The following GREB1L variants were observed in gnomAD, a reference collection of about 807,000 sequenced individuals.
GREB1L encodes the protein GREB1-like protein.
A neutral mutation model predicts 200.8 loss-of-function variants in GREB1L; 17 were observed. That is an observed-to-expected ratio of 0.08 (90% CI 0.06 to 0.13). The LOEUF (loss-of-function observed/expected upper bound fraction) is 0.13, where lower values mean the gene tolerates loss of function less well. Among genes scored for constraint, GREB1L ranks in the 10% least tolerant of loss-of-function variants. GREB1L has a pLI of 1.00. For missense variants in GREB1L, 1,657 were observed against 2,367.7 expected (o/e 0.70, Z 6.23); for synonymous variants, 789 against 893.0 (o/e 0.88, Z 2.08).
At chr18:21,342,499 C>A (rs1396311111) in intron 1 of GREB1L, among the ~76,000 whole-genome samples, 1 of 152,146 alleles carries the variant, frequency 6.6e-6, no homozygotes, top group African/African-American at 2.4e-5. Flanking sequence ...AGCTAATCTG[C>A]TTTAGGGTTC....
chr18:21,324,758 C>T (rs760492037), intron 1 of GREB1L, among the ~76,000 whole-genome samples: 125 of 152,276 alleles, frequency 8.2e-4, no homozygotes, highest in African/African-American at 2.8e-3. Context: ...TGCAGTAAGC[C>T]GAGATCGTGC....
intron 17 of GREB1L, among the ~76,000 whole-genome samples, chr18:21,482,634 G>A (rs1422853122): frequency 1.5e-5 from 2 of 129,436 alleles, no homozygotes; most frequent in Non-Finnish European, 3.2e-5. Flanking sequence ...CCATTGTGTA[G>A]ATTACAGATT....
Position 21,337,832 on chromosome 18 carries a change from A to G in GREB1L, c.-119-28195A>G, listed in dbSNP as rs1256676205. ...AAACCCCGTCTCTACTAAAAAATAC[A>G]AACAATTAGCTGGGCGTGGTGGTGG... is the stretch of plus-strand genomic sequence containing the variant. On this transcript the variant is annotated intron_variant, in intron 1 of 32. Coordinates refer to ENST00000424526, the MANE Select transcript of GREB1L (RefSeq NM_001142966.3). Among the ~76,000 whole-genome samples the G allele has an allele frequency of 2.0e-5, 3 of 152,074 alleles. No homozygotes were observed. In the East Asian group the frequency reaches 5.8e-4, roughly 29 times the overall value.
chr18:21,315,719 A>G (rs915119489), intron 1 of GREB1L, among the ~76,000 whole-genome samples: 30 of 152,250 alleles, frequency 2.0e-4, no homozygotes, highest in Non-Finnish European at 3.7e-4. Context: ...ACAGACTGCT[A>G]AAGTACGTTT....
chr18:21,328,162 T>C (rs1208938787), intron 1 of GREB1L, among the ~76,000 whole-genome samples: 2 of 151,338 alleles, frequency 1.3e-5, no homozygotes, highest in East Asian at 3.9e-4. Flanking sequence ...TTTGAAGTCC[T>C]GATTCAGTGC....
chr18:21,253,346 G>T (rs890263948), intron 1 of GREB1L, among the ~76,000 whole-genome samples: 1 of 147,966 alleles, frequency 6.8e-6, no homozygotes, highest in African/African-American at 2.5e-5. Flanking sequence ...TCCACCTACC[G>T]GGTTCAAGTG....
chr18:21,424,288 C>G (rs2032389943), intron 7 of GREB1L, among the ~76,000 whole-genome samples: 1 of 152,160 alleles, frequency 6.6e-6, no homozygotes, highest in Non-Finnish European at 1.5e-5. Context: ...ACAACTTTGG[C>G]CAGGTGCAGT....
intron 1 of GREB1L, among the ~76,000 whole-genome samples, chr18:21,274,622 A>G (rs2038132158): frequency 6.6e-6 from 1 of 152,140 alleles, no homozygotes; most frequent in Non-Finnish European, 1.5e-5. Flanking sequence ...GGCTAGGCAC[A>G]ATGACACATG....
chr18:21,441,181 G>A (rs2033878602), intron 9 of GREB1L, among the ~76,000 whole-genome samples: 1 of 152,092 alleles, frequency 6.6e-6, no homozygotes, highest in African/African-American at 2.4e-5. Context: ...TCAGCAAAAT[G>A]CTAAATAGTA....
At chr18:21,378,590 G>T (rs1165912062) in intron 2 of GREB1L, among the ~76,000 whole-genome samples, 4 of 152,150 alleles carry the variant, frequency 2.6e-5, no homozygotes. Context: ...GGCCAGGCTG[G>T]TCTCAAACTC....
At chr18:21,248,132 TA>T (rs2037638385) in intron 1 of GREB1L, among the ~76,000 whole-genome samples, 1 of 152,164 alleles carries the variant, frequency 6.6e-6, no homozygotes, top group South Asian at 2.1e-4. Flanking sequence ...TTAATTCAGG[TA>T]GGAATTGTAA....
intron 1 of GREB1L, among the ~76,000 whole-genome samples, chr18:21,275,198 C>T (rs1384296104): frequency 6.6e-6 from 1 of 151,802 alleles, no homozygotes; most frequent in Non-Finnish European, 1.5e-5. Context: ...AAAGATTGCA[C>T]CACTGCACTC....
intron 23 of GREB1L, among the ~76,000 whole-genome samples, chr18:21,502,638 T>C (rs2036844783): frequency 6.6e-6 from 1 of 152,168 alleles, no homozygotes; most frequent in Non-Finnish European, 1.5e-5. Context: ...CATCTTCCCA[T>C]CTACATCTCC....
chr18:21,375,511 C>A (rs1456368436), intron 2 of GREB1L, among the ~76,000 whole-genome samples: 2 of 152,140 alleles, frequency 1.3e-5, no homozygotes, highest in Non-Finnish European at 2.9e-5. Flanking sequence ...GAGATGAGGC[C>A]ACATCAGCAA....
Position 21,500,075 on chromosome 18 carries a change from G to C in GREB1L, c.3738G>C (p.Lys1246Asn). 6.4e-7 allele frequency: 1 copy of C among 1,551,704 alleles called. No homozygotes were observed. The highest frequency in any genetic ancestry group is 1.2e-5 in the South Asian group (1 of 84,056). ...KAAYSLLGSQ[K>N]SGKLPSSSSL... Reference sequence around the variant, plus strand: ...CCTACAGTCTCCTGGGCTCCCAGAAGAGTGGCAAGCTGCCATCCTCCTCCT... The same window carrying C: ...CCTACAGTCTCCTGGGCTCCCAGAACAGTGGCAAGCTGCCATCCTCCTCCT... Residue 1246 changes from lysine (K) to asparagine (N), a missense_variant, in exon 22 of 33, where the codon AAG (lysine) becomes AAC (asparagine). This residue lies in a region of GREB1L where 512 missense variants were observed against 668.3 expected (regional missense o/e 0.77). Transcript: ENST00000424526.
At chr18:21,500,353 G>A (rs1215764610) in intron 22 of GREB1L, 47 bp downstream of exon 22, 14 of 902,528 alleles carry the variant, frequency 1.6e-5, no homozygotes, top group Admixed American at 8.7e-5. Flanking sequence ...GGGTTGGCGC[G>A]TCTTCCTCAA....
At chr18:21,472,460 A>G (rs1408974562) in intron 15 of GREB1L, among the ~76,000 whole-genome samples, 1 of 152,238 alleles carries the variant, frequency 6.6e-6, no homozygotes, top group Non-Finnish European at 1.5e-5. Flanking sequence ...TTAAGTTGGT[A>G]CCTAAATCCA....
intron 1 of GREB1L, among the ~76,000 whole-genome samples, chr18:21,356,716 A>T (rs1008818912): frequency 2.6e-5 from 4 of 152,174 alleles, no homozygotes; most frequent in African/African-American, 9.6e-5. Flanking sequence ...ACCATATGGT[A>T]GTTCTGGTTT....
chr18:21,287,811 T>C (rs1179148624), intron 1 of GREB1L, among the ~76,000 whole-genome samples: 1 of 149,546 alleles, frequency 6.7e-6, no homozygotes, highest in Non-Finnish European at 1.5e-5. Flanking sequence ...TTTTTTTTTT[T>C]GAGATGGAGT....
Sources: gnomAD v4.1 joint callset for allele counts (sites outside exome capture counted in the v4.1 genomes callset) on GRCh38, gnomAD v4.1.1 for gene constraint, gnomAD v4.1.1 regional missense constraint, MANE v1.5 for transcripts, NCBI Gene and HGNC (gene_info 2026-07-23, HGNC 2026-07-21) for gene names.